LORICRIN: variants seen among roughly 807,000 people sequenced by gnomAD.
LORICRIN encodes the protein loricrin cornified envelope precursor protein.
A neutral mutation model predicts 3.3 loss-of-function variants in LORICRIN; 5 were observed. The ratio of observed to expected loss-of-function variants is 1.52; its 90% confidence interval spans 0.79 to 3.19. The LOEUF (loss-of-function observed/expected upper bound fraction) is 3.19. Ranked by LOEUF, LORICRIN falls within the 30% of genes most tolerant of loss-of-function variation. The pLI, the probability that LORICRIN is intolerant of heterozygous loss-of-function variation, is 0.00. For synonymous variants in LORICRIN, 237 were observed against 231.4 expected, an observed-to-expected ratio of 1.02 and a Z score of -0.22; for missense variants, 524 against 460.2, an observed-to-expected ratio of 1.14 and a Z score of -1.27.
At position 153,260,055 on chromosome 1, in the gene LORICRIN, G is replaced by A. The variant is rs577487523; in HGVS notation, c.-24+322G>A. ...GCTGTCCAAGGCAGCCTGTGCACAG[G>A]CTGAGCAGACCTTGTGAACCTGTCA... On this transcript the variant is annotated intron_variant, in intron 1 of 1. Transcript: ENST00000368742. 6.6e-5 allele frequency among the ~76,000 whole-genome samples: 10 copies of A among 152,304 alleles called. No individual in the cohort carries two copies. The South Asian group carries it at 2.1e-3, about 32-fold the overall frequency.
At chr1:153,260,819 G>A (rs1658747978) in intron 1 of LORICRIN, 108 bp from the exon 2 acceptor site, 1 of 717,390 alleles carries the variant, frequency 1.4e-6, no homozygotes, top group Non-Finnish European at 2.3e-6. Context: ...GGGCTCTCCG[G>A]GCACCTGAAG....
rs1250074029 is a variant in LORICRIN, at chr1:153,261,973, G to A, written c.*85G>A. 1.8e-5 allele frequency: 25 copies of A among 1,406,400 alleles called. No homozygotes were observed. In the Admixed American group the frequency reaches 2.1e-4, roughly 12 times the overall value. The allele number at this position is 1,406,400 out of a possible 1,614,324, so 87.1% of individuals were successfully genotyped here. A position where few individuals can be genotyped will look rare whatever the true frequency, so the allele number is the denominator to read the frequency against. On this transcript the variant is annotated 3_prime_UTR_variant, in exon 2 of 2. Coordinates refer to ENST00000368742, the MANE Select transcript of LORICRIN (RefSeq NM_000427.3). ...GCTTAGAGCTCTCATGATGCTACCC[G>A]AGGTTTGCAAATCCTTCATGTCTTA...
chr1:153,261,299 G>T lies in LORICRIN; in HGVS notation c.350G>T (p.Gly117Val). 6.9e-7 allele frequency: 1 copy of T among 1,450,384 alleles called. No homozygotes were observed. The allele number at this position is 1,450,384 out of a possible 1,614,324, so 89.8% of individuals were successfully genotyped here. A position where few individuals can be genotyped will look rare whatever the true frequency, so the allele number is the denominator to read the frequency against. ...GGCGGCTCCGGCTGCTTCTCCTCCG[G>T]TGGCGGCGGCTCCTCCGGGGGCGGC... is the stretch of plus-strand genomic sequence containing the variant. ...GGGGSGCFSS[G>V]GGGSSGGGSG... Residue 117 changes from glycine to valine, a missense_variant, in exon 2 of 2, where the codon GGT becomes GTT. By Grantham distance (109) the Gly-to-Val change is moderately radical. Transcript: ENST00000368742.
rs1557795739 is a variant in LORICRIN, at chr1:153,261,518, C to CTGGCGGCGGCTT, written c.580_581insTTGGCGGCGGCT (p.Gly193_Ser194insPheGlyGlyGly). 2.7e-6 allele frequency: 4 copies of CTGGCGGCGGCTT among 1,497,784 alleles called. No homozygotes were observed. Among genetic ancestry groups the CTGGCGGCGGCTT allele is most frequent in the Non-Finnish European group, 3.5e-6 (4 of 1,130,098 alleles). 92.8% of individuals were successfully genotyped at this position (1,497,784 alleles called of 1,614,324 possible). ...GGCGGCGGCTCTGTCTGCGGCTACT[C>CTGGCGGCGGCTT]TGGCGGCGGCTCTGGCTGCGGCGGA... On this transcript the variant is annotated inframe_insertion, in exon 2 of 2. Transcript: ENST00000368742.
rs748354132 is a variant in LORICRIN at position 153,261,711 on chromosome 1, C to G, written c.762C>G (p.Gly254=). 2 of 1,534,338 alleles carry G rather than the reference C, an allele frequency of 1.3e-6. No individual in the cohort carries two copies. Among genetic ancestry groups the G allele is most frequent in the South Asian group, 1.2e-5 (1 of 81,418 alleles). ...GCGGCGGGAGCTCCGGCTGCGGCGG[C>G]GGCTCCTCCGGGATTGGCAGCGGCT... ...GGGGGSSGCG[G]GSSGIGSGCI... Residue 254 remains glycine (G), a synonymous_variant, in exon 2 of 2, where the codon GGC becomes GGG. Transcript: ENST00000368742.
chr1:153,261,766 G>A lies in LORICRIN; in HGVS notation c.817G>A (p.Gly273Arg), dbSNP rs1259587615. The change falls in exon 2 of 2, where the codon GGA (glycine) becomes AGA (arginine). Residue 273 changes from glycine (G) to arginine (R), a missense_variant. Transcript: ENST00000368742. The part of the protein sequence containing the change: ...CIISGGGSVC[G>R]GGSSGGGGGG... ...CATCAGTGGCGGGGGCTCCGTCTGC[G>A]GAGGTGGTTCCTCTGGAGGCGGCGG... 1.3e-6 allele frequency: 2 copies of A among 1,589,942 alleles called. No homozygotes were observed. Among genetic ancestry groups the A allele is most frequent in the African/African-American group, 1.4e-5 (1 of 73,754 alleles).
chr1:153,261,059 TCGG>T lies in LORICRIN; in HGVS notation c.121_123del (p.Gly41del), dbSNP rs770195151. On this transcript the variant is annotated inframe_deletion, in exon 2 of 2. Coordinates refer to ENST00000368742, the MANE Select transcript of LORICRIN (RefSeq NM_000427.3). ...AGCGGCGGTGGTGGCTGCGGCTTCTTCGGCGGCGGCGGCTCAGGGGGCGGTAGC... is the reference window on the plus strand; with the variant it reads ...AGCGGCGGTGGTGGCTGCGGCTTCTTCGGCGGCGGCTCAGGGGGCGGTAGC... 63 of 1,513,114 alleles carry T rather than the reference TCGG, an allele frequency of 4.2e-5. 1 individual carries two copies. In the South Asian group the frequency reaches 6.4e-4, roughly 15 times the overall value. The allele number at this position is 1,513,114 out of a possible 1,614,324, so 93.7% of individuals were successfully genotyped here.
Position 153,261,251 on chromosome 1 carries a change from C to G in LORICRIN, c.302C>G (p.Ser101Cys). The G allele has an allele frequency of 7.2e-7, 1 of 1,386,588 alleles. No homozygotes were observed. The highest frequency in any genetic ancestry group is 9.3e-7 in the Non-Finnish European group (1 of 1,079,486). The allele number at this position is 1,386,588 out of a possible 1,614,324, so 85.9% of individuals were successfully genotyped here. ...SGGGGSSGGGSGCFSSGGGGS... is the reference protein window; with the variant it reads ...SGGGGSSGGGCGCFSSGGGGS... ...GGCGGCGGCTCCTCCGGCGGGGGCT[C>G]TGGCTGTTTCTCCAGCGGTGGGGGC... Residue 101 changes from serine to cysteine, a missense_variant, in exon 2 of 2, where the codon TCT becomes TGT. Coordinates refer to ENST00000368742, the MANE Select transcript of LORICRIN (RefSeq NM_000427.3).
At position 153,261,119 on chromosome 1, in the gene LORICRIN, G is replaced by C; in HGVS notation, c.170G>C (p.Gly57Ala). The change falls in exon 2 of 2, where the codon GGT (glycine) becomes GCT (alanine). Residue 57 changes from glycine (G) to alanine (A), a missense_variant. Coordinates refer to ENST00000368742, the MANE Select transcript of LORICRIN (RefSeq NM_000427.3). ...TCTGGCTGCGGCTACTCCGGCGGCG[G>C]TGGCTACTCTGGCGGCGGCTGCGGC... ...SGSGCGYSGG[G>A]GYSGGGCGGG... 5 of 1,382,770 alleles carry C rather than the reference G, an allele frequency of 3.6e-6. No individual in the cohort carries two copies. The highest frequency in any genetic ancestry group is 4.7e-6 in the Non-Finnish European group (5 of 1,073,844). 85.7% of individuals were successfully genotyped at this position (1,382,770 alleles called of 1,614,324 possible). A position where few individuals can be genotyped will look rare whatever the true frequency, so the allele number is the denominator to read the frequency against.
Position 153,260,892 on chromosome 1 carries a change from A to T in LORICRIN, c.-23-35A>T. 3.5e-6 allele frequency: 5 copies of T among 1,435,990 alleles called. No homozygotes were observed. In the South Asian group the frequency reaches 6.1e-5, roughly 18 times the overall value. The allele number at this position is 1,435,990 out of a possible 1,614,324, so 89.0% of individuals were successfully genotyped here. On this transcript the variant is annotated intron_variant, in intron 1 of 1. Coordinates refer to ENST00000368742, the MANE Select transcript of LORICRIN (RefSeq NM_000427.3). ...GCTGCCTCCGTAAGTATCCTCTTGC[A>T]GCTGGTCCAGCGATGCTCTCTTCTC...
chr1:153,260,810 G>C (rs1658747759), intron 1 of LORICRIN, 117 bp from the exon 2 acceptor site: 1 of 651,698 alleles, frequency 1.5e-6, no homozygotes, highest in Non-Finnish European at 2.6e-6. Context: ...CCCCGCTGAG[G>C]GCTCTCCGGG....
At chr1:153,260,813 T>C in intron 1 of LORICRIN, 114 bp from the exon 2 acceptor site, 1 of 677,682 alleles carries the variant, frequency 1.5e-6, no homozygotes, top group Non-Finnish European at 2.4e-6. Flanking sequence ...CGCTGAGGGC[T>C]CTCCGGGCAC....
At chr1:153,260,443 T>C (rs1432039181) in intron 1 of LORICRIN, among the ~76,000 whole-genome samples, 1 of 152,190 alleles carries the variant, frequency 6.6e-6, no homozygotes, top group Non-Finnish European at 1.5e-5. Context: ...CTGCAGAGGA[T>C]GGAGTGCAAC....
rs781145861 is a variant in LORICRIN at position 153,261,083 on chromosome 1, G to A, written c.134G>A (p.Gly45Asp). 3 of 1,487,892 alleles carry A rather than the reference G, an allele frequency of 2.0e-6. No individual in the cohort carries two copies. Among genetic ancestry groups the A allele is most frequent in the South Asian group, 2.5e-5 (2 of 79,234 alleles). 92.2% of individuals were successfully genotyped at this position (1,487,892 alleles called of 1,614,324 possible). A position where few individuals can be genotyped will look rare whatever the true frequency, so the allele number is the denominator to read the frequency against. Residue 45 changes from glycine to aspartate, a missense_variant, in exon 2 of 2, where the codon GGT (glycine) becomes GAT (aspartate). Physicochemically the swap from Gly to Asp is moderately conservative, Grantham distance 94 (BLOSUM62 -1). Transcript: ENST00000368742. Reference protein sequence around the residue: ...GFFGGGGSGGGSSGSGCGYSG... With the variant: ...GFFGGGGSGGDSSGSGCGYSG... ...TTCGGCGGCGGCGGCTCAGGGGGCG[G>A]TAGCAGCGGTTCTGGCTGCGGCTAC...
Position 153,261,277 on chromosome 1 carries a change from G to T in LORICRIN, c.328G>T (p.Gly110Cys). 7.0e-7 allele frequency: 1 copy of T among 1,433,814 alleles called. No individual in the cohort carries two copies. Among genetic ancestry groups the T allele is most frequent in the South Asian group, 1.5e-5 (1 of 68,802 alleles). The allele number at this position is 1,433,814 out of a possible 1,614,324, so 88.8% of individuals were successfully genotyped here. ...GSGCFSSGGG[G>C]SGCFSSGGGG... ...TGGCTGTTTCTCCAGCGGTGGGGGC[G>T]GCTCCGGCTGCTTCTCCTCCGGTGG... Residue 110 changes from glycine to cysteine, a missense_variant, in exon 2 of 2, where the codon GGC (glycine) becomes TGC (cysteine). Transcript: ENST00000368742.
In LORICRIN at chr1:153,261,278, G is replaced by C; in HGVS notation, c.329G>C (p.Gly110Ala). The stretch of plus-strand genomic sequence containing the variant: ...GGCTGTTTCTCCAGCGGTGGGGGCG[G>C]CTCCGGCTGCTTCTCCTCCGGTGGC... The part of the protein sequence containing the change: ...GSGCFSSGGG[G>A]SGCFSSGGGG... Residue 110 changes from glycine (G) to alanine (A), a missense_variant, in exon 2 of 2, where the codon GGC (glycine) becomes GCC (alanine). Physicochemically the swap from Gly to Ala is moderately conservative, Grantham distance 60. Coordinates refer to ENST00000368742, the MANE Select transcript of LORICRIN (RefSeq NM_000427.3). 6.9e-7 allele frequency: 1 copy of C among 1,439,370 alleles called. No individual in the cohort carries two copies. The highest frequency in any genetic ancestry group is 1.4e-5 in the South Asian group (1 of 69,562). The allele number at this position is 1,439,370 out of a possible 1,614,324, so 89.2% of individuals were successfully genotyped here.
chr1:153,260,959 C>G lies in LORICRIN; in HGVS notation c.10C>G (p.Gln4Glu). 1 of 1,597,512 alleles carries G rather than the reference C, an allele frequency of 6.3e-7. No individual in the cohort carries two copies. Among genetic ancestry groups the G allele is most frequent in the Non-Finnish European group, 8.5e-7 (1 of 1,172,184 alleles). Reference sequence around the variant, plus strand: ...TTCCTTCTCAGACAAGATGTCTTATCAGAAAAAGCAGCCCACCCCTCAGCC... The same window carrying G: ...TTCCTTCTCAGACAAGATGTCTTATGAGAAAAAGCAGCCCACCCCTCAGCC... MSYQKKQPTPQPPV... is the reference protein window; with the variant it reads MSYEKKQPTPQPPV... The change falls in exon 2 of 2, where the codon CAG becomes GAG. Residue 4 changes from glutamine (Q) to glutamate (E), a missense_variant. Coordinates refer to ENST00000368742, the MANE Select transcript of LORICRIN (RefSeq NM_000427.3).
Position 153,261,969 on chromosome 1 carries a change from A to C in LORICRIN, c.*81A>C. 1.0e-5 allele frequency: 15 copies of C among 1,431,698 alleles called. No homozygotes were observed. The highest frequency in any genetic ancestry group is 1.4e-5 in the Non-Finnish European group (14 of 1,035,232). The allele number at this position is 1,431,698 out of a possible 1,614,324, so 88.7% of individuals were successfully genotyped here. A position where few individuals can be genotyped will look rare whatever the true frequency, so the allele number is the denominator to read the frequency against. On this transcript the variant is annotated 3_prime_UTR_variant, in exon 2 of 2. Coordinates refer to ENST00000368742, the MANE Select transcript of LORICRIN (RefSeq NM_000427.3). ...ATGGGCTTAGAGCTCTCATGATGCT[A>C]CCCGAGGTTTGCAAATCCTTCATGT... is the stretch of plus-strand genomic sequence containing the variant.
In LORICRIN at chr1:153,261,993, G is replaced by A; in HGVS notation, c.*105G>A. 8.3e-7 allele frequency: 1 copy of A among 1,206,286 alleles called. No homozygotes were observed. Among genetic ancestry groups the A allele is most frequent in the South Asian group, 1.3e-5 (1 of 77,092 alleles). 74.7% of individuals were successfully genotyped at this position (1,206,286 alleles called of 1,614,324 possible). On this transcript the variant is annotated 3_prime_UTR_variant, in exon 2 of 2. Transcript: ENST00000368742. ...TACCCGAGGTTTGCAAATCCTTCAT[G>A]TCTTAACCTACCTGGAAGAAGCCAT...
Sources: allele counts gnomAD v4.1 joint callset (sites outside exome capture counted in the v4.1 genomes callset), GRCh38; gene constraint gnomAD v4.1.1; transcripts MANE v1.5; gene names NCBI Gene and HGNC (gene_info 2026-07-23, HGNC 2026-07-21).